Variants in ITGB1 observed in about 807,000 individuals in gnomAD.
ITGB1 encodes integrin beta-1.
A neutral mutation model predicts 86.5 loss-of-function variants in ITGB1; 24 were observed. That is an observed-to-expected ratio of 0.28 (90% CI 0.20 to 0.39). The LOEUF (loss-of-function observed/expected upper bound fraction) is 0.39. Ranked by LOEUF, ITGB1 falls within the 10% of genes least tolerant of loss-of-function variation. The pLI, the probability that ITGB1 is intolerant of heterozygous loss-of-function variation, is 1.00. For missense variants in ITGB1, 556 were observed against 946.9 expected, an observed-to-expected ratio of 0.59 and a Z score of 5.42; for synonymous variants, 323 against 316.8, an observed-to-expected ratio of 1.02 and a Z score of -0.21.
At chr10:32,945,422 C>A (rs1478157423) in intron 1 of ITGB1, among the ~76,000 whole-genome samples, 2 of 151,884 alleles carry the variant, frequency 1.3e-5, no homozygotes, top group South Asian at 2.1e-4. Context: ...CATGGTGAAA[C>A]CCCGTCTCTA....
Position 32,920,314 on chromosome 10 carries a change from G to A in ITGB1, c.1200C>T (p.Tyr400=), listed in dbSNP as rs758425687. 5 of 1,612,794 alleles carry A rather than the reference G, an allele frequency of 3.1e-6. No individual in the cohort carries two copies. The highest frequency in any genetic ancestry group is 3.3e-5 in the Admixed American group (2 of 59,966). The change falls in exon 10 of 16, where the codon TAC becomes TAT. Residue 400 remains tyrosine, a synonymous_variant. Transcript: ENST00000302278. ...CTGTTCCATTCACCCCGTTCTTGCA[G>A]TAAGATTTGTAACTTATTGTTACGC... The part of the protein sequence containing the change: ...SEGVTISYKS[Y]CKNGVNGTGE...
chr10:32,916,448 C>T (rs961600686), intron 11 of ITGB1, among the ~76,000 whole-genome samples: 6 of 152,210 alleles, frequency 3.9e-5, no homozygotes, highest in Non-Finnish European at 8.8e-5. Flanking sequence ...ACCCCATCGT[C>T]TCAGCCCAAA....
intron 15 of ITGB1, among the ~76,000 whole-genome samples, chr10:32,905,513 C>A (rs971725713): frequency 6.6e-6 from 1 of 152,168 alleles, no homozygotes; most frequent in Admixed American, 6.5e-5. Context: ...TGATCTACCT[C>A]TTCCTAACCA....
intron 2 of ITGB1, among the ~76,000 whole-genome samples, chr10:32,933,069 T>C (rs1023060183): frequency 1.3e-5 from 2 of 152,124 alleles, no homozygotes; most frequent in African/African-American, 2.4e-5. Context: ...CTCACTACCC[T>C]TCCCAGCCTC....
At chr10:32,911,235 T>C (rs1300738290) in intron 13 of ITGB1, among the ~76,000 whole-genome samples, 1 of 152,178 alleles carries the variant, frequency 6.6e-6, no homozygotes, top group Non-Finnish European at 1.5e-5. Flanking sequence ...ATCAAAATAA[T>C]AGTACAACTC....
intron 15 of ITGB1, among the ~76,000 whole-genome samples, chr10:32,904,340 T>C (rs928108671): frequency 1.3e-5 from 2 of 152,136 alleles, no homozygotes; most frequent in African/African-American, 4.8e-5. Context: ...GCCCTCAAGC[T>C]CAGTAAAATG....
At position 32,952,653 on chromosome 10, in the gene ITGB1, A is replaced by G. The variant is rs1055348462; in HGVS notation, c.-1+5492T>C. Reference sequence around the variant, plus strand: ...GAAAAATGTGACTTCCATACTCCAAATGGTACATACCTAATTTCGTATGTA... The same window carrying G: ...GAAAAATGTGACTTCCATACTCCAAGTGGTACATACCTAATTTCGTATGTA... On this transcript the variant is annotated intron_variant, in intron 1 of 15. Coordinates refer to ENST00000302278, the MANE Select transcript of ITGB1 (RefSeq NM_002211.4). Among the ~76,000 whole-genome samples, 15 of 152,318 alleles carry G rather than the reference A, an allele frequency of 9.8e-5. No homozygotes were observed. The East Asian group carries it at 2.9e-3, about 29-fold the overall frequency.
At chr10:32,906,810 G>C (rs1343680637) in intron 15 of ITGB1, among the ~76,000 whole-genome samples, 1 of 152,158 alleles carries the variant, frequency 6.6e-6, no homozygotes, top group East Asian at 1.9e-4. Context: ...TGGAAGAGGT[G>C]GGATTTGACC....
At chr10:32,918,334 A>G (rs2094938415) in intron 11 of ITGB1, among the ~76,000 whole-genome samples, 1 of 151,148 alleles carries the variant, frequency 6.6e-6, no homozygotes, top group Non-Finnish European at 1.5e-5. Context: ...CCTAGAAATT[A>G]AAGTATAATA....
At chr10:32,917,678 A>C (rs1484339363) in intron 11 of ITGB1, among the ~76,000 whole-genome samples, 2 of 152,226 alleles carry the variant, frequency 1.3e-5, no homozygotes, top group Non-Finnish European at 2.9e-5. Context: ...GCGATCATTA[A>C]AAAGTCAGGA....
chr10:32,943,282 A>G, intron 1 of ITGB1, among the ~76,000 whole-genome samples: 1 of 152,214 alleles, frequency 6.6e-6, no homozygotes, highest in Non-Finnish European at 1.5e-5. Flanking sequence ...GTACAAACAT[A>G]GATTCTGAAG....
intron 9 of ITGB1, among the ~76,000 whole-genome samples, chr10:32,920,616 C>T (rs1004885575): frequency 6.6e-6 from 1 of 152,076 alleles, no homozygotes; most frequent in African/African-American, 2.4e-5. Context: ...GTTTTAATCA[C>T]TGAGTTAAAA....
intron 5 of ITGB1, 57 bp from the exon 6 acceptor site, chr10:32,926,166 G>A: frequency 7.9e-7 from 1 of 1,261,418 alleles, no homozygotes; most frequent in Non-Finnish European, 1.2e-6. Context: ...TGGAAAGACA[G>A]AGATTTGCAT....
intron 11 of ITGB1, among the ~76,000 whole-genome samples, chr10:32,918,905 G>A (rs758483840): frequency 1.1e-4 from 16 of 152,236 alleles, no homozygotes; most frequent in African/African-American, 2.9e-4. Flanking sequence ...TCCTACATGT[G>A]CAGACTTTTC....
intron 1 of ITGB1, among the ~76,000 whole-genome samples, chr10:32,936,716 G>A (rs2095003152): frequency 6.6e-6 from 1 of 152,064 alleles, no homozygotes; most frequent in Non-Finnish European, 1.5e-5. Context: ...TCTTTGATTG[G>A]TCAAAGATGG....
Position 32,918,482 on chromosome 10 carries a change from C to T in ITGB1, c.1469+1403G>A, listed in dbSNP as rs182210296. On this transcript the variant is annotated intron_variant, in intron 11 of 15. Transcript: ENST00000302278. The stretch of plus-strand genomic sequence containing the variant: ...GTGGGAGTGTCCATGCCACAAGTCA[C>T]AGTCGTGTAGTAAAGTGTACACACA... Among the ~76,000 whole-genome samples the T allele has an allele frequency of 1.4e-4, 22 of 152,242 alleles. No homozygotes were observed. In the East Asian group the frequency reaches 4.1e-3, roughly 28 times the overall value.
At chr10:32,931,133 T>A (rs2094982192) in intron 3 of ITGB1, among the ~76,000 whole-genome samples, 1 of 152,108 alleles carries the variant, frequency 6.6e-6, no homozygotes. Context: ...TGGAAGGGAA[T>A]ACCAAGAATC....
chr10:32,949,143 A>T (rs1462306498), intron 1 of ITGB1, among the ~76,000 whole-genome samples: 1 of 152,196 alleles, frequency 6.6e-6, no homozygotes, highest in Non-Finnish European at 1.5e-5. Context: ...AATGGATATG[A>T]TAATAATAAT....
intron 1 of ITGB1, among the ~76,000 whole-genome samples, chr10:32,954,981 AAGAG>A (rs1343378873): frequency 2.0e-5 from 3 of 152,218 alleles, no homozygotes; most frequent in East Asian, 1.9e-4. Context: ...CAGCTCCTGA[AAGAG>A]AGAAACTTTT....
Sources: allele counts gnomAD v4.1 joint callset (sites outside exome capture counted in the v4.1 genomes callset), GRCh38; gene constraint gnomAD v4.1.1; transcripts MANE v1.5; gene names NCBI Gene and HGNC (gene_info 2026-07-23, HGNC 2026-07-21).